Variants in C12orf42 observed in about 807,000 individuals in gnomAD.
C12orf42 encodes chromosome 12 open reading frame 42, also known as uncharacterized protein C12orf42.
A neutral mutation model predicts 21.6 loss-of-function variants in C12orf42; 25 were observed. The observed-to-expected ratio is 1.16, with a 90% CI of 0.84 to 1.62. The LOEUF is 1.62. Ranked by LOEUF, C12orf42 falls within the 40% of genes most tolerant of loss-of-function variation. C12orf42 has a pLI of 0.00. For missense variants in C12orf42, 483 were observed against 459.3 expected (o/e 1.05, Z -0.47); for synonymous variants, 174 against 175.0 (o/e 0.99, Z 0.05).
chr12:103,203,337 A>T, the C12orf42 span, among the ~76,000 whole-genome samples: 1 of 152,002 alleles, frequency 6.6e-6, no homozygotes, highest in Non-Finnish European at 1.5e-5. Flanking sequence ...GTTTTGTTTT[A>T]TTTTTTCAAT....
chr12:103,392,491 T>C (rs1478630798), intron 3 of C12orf42, among the ~76,000 whole-genome samples: 1 of 152,254 alleles, frequency 6.6e-6, no homozygotes, highest in African/African-American at 2.4e-5. Context: ...ATTTAGGTCA[T>C]CTTTAATGTC....
the C12orf42 span, among the ~76,000 whole-genome samples, chr12:103,520,223 G>A: frequency 1.3e-5 from 2 of 152,128 alleles, no homozygotes; most frequent in South Asian, 2.1e-4. Flanking sequence ...AGTCCCAGGC[G>A]AGGACATTAG....
intron 2 of C12orf42, among the ~76,000 whole-genome samples, chr12:103,462,430 C>G (rs1249379053): frequency 6.6e-6 from 1 of 151,822 alleles, no homozygotes; most frequent in East Asian, 1.9e-4. Context: ...TTTTGATAAG[C>G]TATAAAAGAT....
intron 2 of C12orf42, chr12:103,471,848 A>G (rs923702755): frequency 1.3e-5 from 2 of 152,190 alleles, no homozygotes; most frequent in African/African-American, 4.8e-5. Flanking sequence ...TCTTTCTTAA[A>G]AATGTAGATA....
At chr12:103,368,802 A>G (rs181787162) in intron 4 of C12orf42, 85 bp downstream of exon 4, 2 of 695,226 alleles carry the variant, frequency 2.9e-6, no homozygotes, top group Middle Eastern at 3.2e-4. Context: ...CTGTTCTTCA[A>G]TACAATCTTT....
chr12:103,298,070 C>T (rs1382601480), downstream of C12orf42, among the ~76,000 whole-genome samples: 1 of 152,010 alleles, frequency 6.6e-6, no homozygotes, highest in African/African-American at 2.4e-5. Context: ...TCTCTCACCA[C>T]TCCTATTCAA....
At chr12:103,350,235 A>G (rs2042991694) in intron 4 of C12orf42, among the ~76,000 whole-genome samples, 1 of 152,170 alleles carries the variant, frequency 6.6e-6, no homozygotes, top group Non-Finnish European at 1.5e-5. Context: ...TAAACCACAC[A>G]TACATTTTAA....
intron 4 of C12orf42, among the ~76,000 whole-genome samples, chr12:103,335,312 C>T (rs1338598299): frequency 2.0e-5 from 3 of 152,182 alleles, no homozygotes; most frequent in Non-Finnish European, 4.4e-5. Flanking sequence ...TAAATAAACA[C>T]TTACCTCCAC....
At chr12:103,353,803 G>A (rs2043299618) in intron 4 of C12orf42, among the ~76,000 whole-genome samples, 1 of 152,204 alleles carries the variant, frequency 6.6e-6, no homozygotes, top group Non-Finnish European at 1.5e-5. Flanking sequence ...AAATATTCAA[G>A]GATCCAGTGG....
At chr12:103,490,531 G>C (rs1449120788) in intron 1 of C12orf42, among the ~76,000 whole-genome samples, 1 of 151,944 alleles carries the variant, frequency 6.6e-6, no homozygotes, top group Non-Finnish European at 1.5e-5. Flanking sequence ...AGTGAGCAAT[G>C]TTATTTGCAA....
chr12:103,276,610 G>C (rs560734665), intron 5 of C12orf42, among the ~76,000 whole-genome samples: 6 of 152,298 alleles, frequency 3.9e-5, no homozygotes, highest in African/African-American at 1.2e-4. Flanking sequence ...GGATCCCAAA[G>C]AAAGGAGACA....
chr12:103,280,917 C>T (rs1168581121), intron 4 of C12orf42, among the ~76,000 whole-genome samples: 1 of 152,206 alleles, frequency 6.6e-6, no homozygotes, highest in African/African-American at 2.4e-5. Flanking sequence ...AAATCTTTAT[C>T]TCCAAAGTCC....
intron 2 of C12orf42, among the ~76,000 whole-genome samples, chr12:103,434,537 G>T (rs1426085944): frequency 1.3e-5 from 2 of 151,992 alleles, no homozygotes; most frequent in Non-Finnish European, 2.9e-5. Context: ...CAGGTCAGTG[G>T]GTGCGCGTAC....
At chr12:103,396,054 T>C (rs935445846) in intron 3 of C12orf42, among the ~76,000 whole-genome samples, 2 of 149,286 alleles carry the variant, frequency 1.3e-5, no homozygotes, top group Non-Finnish European at 3.0e-5. Context: ...ATAATATACA[T>C]ATATCAACTA....
At position 103,388,182 on chromosome 12, in the gene C12orf42, A is replaced by C. The variant is rs1350180281; in HGVS notation, c.147+13425T>G. Among the ~76,000 whole-genome samples, 3 of 152,140 alleles carry C rather than the reference A, an allele frequency of 2.0e-5. No individual in the cohort carries two copies. In the East Asian group the frequency reaches 5.8e-4, roughly 29 times the overall value. ...TTGGTGCCAGAGAAGGGGGGGTGAT[A>C]ACTCTGAGTGCCATCTGCTAGGCCA... On this transcript the variant is annotated intron_variant, in intron 3 of 5. Transcript: ENST00000548883.
the C12orf42 span, among the ~76,000 whole-genome samples, chr12:103,109,714 A>G: frequency 1.3e-5 from 2 of 151,388 alleles, no homozygotes; most frequent in Admixed American, 1.3e-4. Context: ...AAATTTAAAT[A>G]TCTATATCAA....
the C12orf42 span, among the ~76,000 whole-genome samples, chr12:103,136,228 G>A: frequency 1.3e-5 from 2 of 151,894 alleles, no homozygotes; most frequent in Non-Finnish European, 2.9e-5. Context: ...ATACAAAATC[G>A]GTAGCATTTC....
At chr12:103,548,947 G>GA in the C12orf42 span, 11 of 152,254 alleles carry the variant, frequency 7.2e-5, no homozygotes, top group South Asian at 2.3e-3. Flanking sequence ...ACAACACCTG[G>GA]AAAATGTCAT....
At chr12:103,059,644 C>T in the C12orf42 span, among the ~76,000 whole-genome samples, 1 of 152,202 alleles carries the variant, frequency 6.6e-6, no homozygotes, top group Non-Finnish European at 1.5e-5. Context: ...AAGTCAGCTT[C>T]ATCCCAAGGA....
Sources: allele counts gnomAD v4.1 joint callset (sites outside exome capture counted in the v4.1 genomes callset), GRCh38; gene constraint gnomAD v4.1.1; transcripts MANE v1.5; gene names NCBI Gene and HGNC (gene_info 2026-07-23, HGNC 2026-07-21).